The following ATXN1 variants were observed in gnomAD, a reference collection of about 807,000 sequenced individuals.
ATXN1 encodes the protein ataxin-1.
In ATXN1, 8 loss-of-function variants were observed where a neutral mutation model predicts 56.4. That is an observed-to-expected ratio of 0.14 (90% CI 0.08 to 0.26). The LOEUF is 0.26. ATXN1 is among the 10% of genes least tolerant of loss of function. ATXN1 has a pLI of 1.00. For missense variants in ATXN1, 987 were observed against 1,106.5 expected (o/e 0.89, Z 1.53); for synonymous variants, 514 against 494.6 (o/e 1.04, Z -0.52).
At chr6:16,544,981 T>C (rs1761788085) in intron 4 of ATXN1, among the ~76,000 whole-genome samples, 2 of 152,084 alleles carry the variant, frequency 1.3e-5, no homozygotes, top group African/African-American at 4.8e-5. Context: ...GCTTCCAGGG[T>C]TATAAAACAA....
intron 6 of ATXN1, among the ~76,000 whole-genome samples, chr6:16,329,863 T>C (rs1157785698): frequency 1.3e-5 from 2 of 152,206 alleles, no homozygotes; most frequent in African/African-American, 4.8e-5. Context: ...GGCAAACCAA[T>C]GCCCAACAGA....
chr6:16,652,552 A>G (rs1758087337), intron 3 of ATXN1, among the ~76,000 whole-genome samples: 1 of 152,140 alleles, frequency 6.6e-6, no homozygotes, highest in Non-Finnish European at 1.5e-5. Flanking sequence ...GTACTCTATA[A>G]TTTTTTAAAA....
chr6:16,342,090 G>T (rs562828276), intron 6 of ATXN1, among the ~76,000 whole-genome samples: 157 of 151,164 alleles, frequency 1.0e-3, no homozygotes, highest in African/African-American at 3.6e-3. Flanking sequence ...TACCATGTTG[G>T]CCAGGCTGGT....
At chr6:16,606,889 T>TGTGTGTGTGTGTGTGTGTGTGTGTGTG (rs1763019679) in intron 3 of ATXN1, among the ~76,000 whole-genome samples, 1 of 16,614 alleles carries the variant, frequency 6.0e-5, no homozygotes, top group South Asian at 4.5e-3. Flanking sequence ...GTGTGTGTGT[T>TGTGTGTGTGTGTGTGTGTGTGTGTGTG]GTTTGTTTGT....
chr6:16,508,539 G>C (rs1761021728), intron 5 of ATXN1, among the ~76,000 whole-genome samples: 1 of 152,090 alleles, frequency 6.6e-6, no homozygotes, highest in African/African-American at 2.4e-5. Context: ...CTGTCTATCT[G>C]AAATATCCCC....
intron 3 of ATXN1, among the ~76,000 whole-genome samples, chr6:16,592,859 C>T (rs954958206): frequency 7.7e-5 from 5 of 64,604 alleles, no homozygotes; most frequent in African/African-American, 3.1e-4. Flanking sequence ...GCACTGGTGG[C>T]TGGTGCGGGT....
chr6:16,721,015 T>C (rs1325478852), intron 2 of ATXN1, among the ~76,000 whole-genome samples: 4 of 152,234 alleles, frequency 2.6e-5, no homozygotes, highest in Non-Finnish European at 5.9e-5. Flanking sequence ...TGTAATGGAA[T>C]CTGAGATTTG....
intron 6 of ATXN1, among the ~76,000 whole-genome samples, chr6:16,463,384 A>G (rs1275614223): frequency 6.6e-6 from 1 of 152,222 alleles, no homozygotes; most frequent in East Asian, 1.9e-4. Context: ...CCGTCAGTAC[A>G]GGGCCATACA....
chr6:16,407,100 C>T (rs1365253168), intron 6 of ATXN1, among the ~76,000 whole-genome samples: 1 of 152,156 alleles, frequency 6.6e-6, no homozygotes, highest in Non-Finnish European at 1.5e-5. Flanking sequence ...AAGTTCACAG[C>T]GGCAGGAGAC....
In ATXN1 at chr6:16,327,567, G is replaced by A; in HGVS notation, c.744C>T (p.Val248=). The change falls in exon 7 of 8, where the codon GTC becomes GTT. Residue 248 remains valine (V), a synonymous_variant. Coordinates refer to ENST00000436367, the MANE Select transcript of ATXN1 (RefSeq NM_001128164.2). ...SPPPAQQNQY[V]HISSSPQNTG... ...TGTTCTGCGGAGAACTGGAAATGTG[G>A]ACGTACTGGTTCTGCTGGGCTGGTG... 6.2e-7 allele frequency: 1 copy of A among 1,604,446 alleles called. No individual in the cohort carries two copies. The highest frequency in any genetic ancestry group is 8.5e-7 in the Non-Finnish European group (1 of 1,175,930).
intron 3 of ATXN1, among the ~76,000 whole-genome samples, chr6:16,622,737 T>C (rs1468821635): frequency 6.6e-6 from 1 of 152,186 alleles, no homozygotes; most frequent in Non-Finnish European, 1.5e-5. Context: ...AGACTTACTA[T>C]GCAGGGTACT....
At chr6:16,559,156 TCAAA>T (rs1157735635) in intron 4 of ATXN1, among the ~76,000 whole-genome samples, 3 of 151,920 alleles carry the variant, frequency 2.0e-5, no homozygotes, top group Admixed American at 6.6e-5. Flanking sequence ...AAAAGCACAC[TCAAA>T]CAGTGCTAGC....
In ATXN1 at chr6:16,410,794, C is replaced by G. The variant is rs893276360; in HGVS notation, c.-161+75178G>C. On this transcript the variant is annotated intron_variant, in intron 6 of 7. Coordinates refer to ENST00000436367, the MANE Select transcript of ATXN1 (RefSeq NM_001128164.2). The surrounding 1 kb of genome is among the most constrained non-coding windows in gnomAD (Gnocchi z 4.6). ...TAAGTCTCCTCTTAGTGTAGCAGTA[C>G]GTATTTTGAATGAGAACGGCCAGTG... is the stretch of plus-strand genomic sequence containing the variant. Among the ~76,000 whole-genome samples the G allele has an allele frequency of 3.3e-5, 5 of 152,056 alleles. No homozygotes were observed. The highest frequency in any genetic ancestry group is 6.5e-5 in the Admixed American group (1 of 15,272).
At chr6:16,566,535 T>C (rs1229778210) in intron 4 of ATXN1, among the ~76,000 whole-genome samples, 2 of 151,920 alleles carry the variant, frequency 1.3e-5, no homozygotes, top group Non-Finnish European at 2.9e-5. Flanking sequence ...TCACCATGCC[T>C]GGCCAATTAA....
chr6:16,430,101 G>A (rs965000760), intron 6 of ATXN1, among the ~76,000 whole-genome samples: 21 of 152,072 alleles, frequency 1.4e-4, no homozygotes, highest in African/African-American at 4.6e-4. Flanking sequence ...AAATTCTGAA[G>A]TTTACTGATA....
At chr6:16,455,777 G>A (rs1034779768) in intron 6 of ATXN1, among the ~76,000 whole-genome samples, 2 of 152,242 alleles carry the variant, frequency 1.3e-5, no homozygotes, top group Non-Finnish European at 2.9e-5. Context: ...GGGACTTGGG[G>A]AAATTTCCCG....
intron 6 of ATXN1, among the ~76,000 whole-genome samples, chr6:16,367,437 A>G (rs1486588463): frequency 6.6e-6 from 1 of 152,104 alleles, no homozygotes; most frequent in Non-Finnish European, 1.5e-5. Flanking sequence ...GCCTGGAAAT[A>G]CAATCCTAAG....
intron 6 of ATXN1, among the ~76,000 whole-genome samples, chr6:16,365,723 T>C (rs1451034689): frequency 6.6e-6 from 1 of 152,236 alleles, no homozygotes; most frequent in African/African-American, 2.4e-5. Context: ...TTACAAGCAG[T>C]GTTTAGGGAG....
chr6:16,449,308 A>G (rs1759705241), intron 6 of ATXN1, among the ~76,000 whole-genome samples: 1 of 152,192 alleles, frequency 6.6e-6, no homozygotes, highest in Admixed American at 6.5e-5. Context: ...ATAAATAAAC[A>G]TGTAGTATAA....
Sources: gnomAD v4.1 joint callset for allele counts (sites outside exome capture counted in the v4.1 genomes callset) on GRCh38, gnomAD v4.1.1 for gene constraint, Gnocchi (gnomAD v3.1) non-coding constraint, MANE v1.5 for transcripts, NCBI Gene and HGNC (gene_info 2026-07-23, HGNC 2026-07-21) for gene names.